The following SLC7A13 variants were observed in gnomAD, a reference collection of about 807,000 sequenced individuals.
SLC7A13 encodes the protein X-amino acid transporter 2.
SLC7A13 carries 31 observed loss-of-function variants against 32.0 expected under a neutral mutation model. That is an observed-to-expected ratio of 0.97 (90% CI 0.73 to 1.31). The LOEUF (loss-of-function observed/expected upper bound fraction) is 1.31. Ranked by LOEUF, SLC7A13 falls within the 50% of genes most tolerant of loss-of-function variation. The pLI, the probability that SLC7A13 is intolerant of heterozygous loss-of-function variation, is 0.00. For missense variants in SLC7A13, 633 were observed against 546.9 expected (o/e 1.16, Z -1.57); for synonymous variants, 232 against 206.9 (o/e 1.12, Z -1.04).
rs1357353510 is a variant in SLC7A13 at position 86,217,606 on chromosome 8, G to T, written c.1043C>A (p.Ser348Tyr). The T allele has an allele frequency of 6.2e-7, 1 of 1,613,230 alleles. No individual in the cohort carries two copies. Residue 348 changes from serine (S) to tyrosine (Y), a missense_variant, in exon 3 of 4, where the codon TCC becomes TAC. Ser to Tyr is a moderately radical substitution (Grantham distance 144, BLOSUM62 -2). Coordinates refer to ENST00000297524, the MANE Select transcript of SLC7A13 (RefSeq NM_138817.3). ...TAVLLLVTLG[S>Y]LAIILTSLID... The stretch of plus-strand genomic sequence containing the variant: ...TAGACTTGTTAAGATAATTGCAAGG[G>T]ATCCCAAAGTGACAAGTAGTAGCAC...
chr8:86,218,859 A>G (rs1820240470), intron 2 of SLC7A13, among the ~76,000 whole-genome samples: 2 of 152,004 alleles, frequency 1.3e-5, no homozygotes, highest in East Asian at 1.9e-4. Context: ...AATGAGCACA[A>G]TGGGGCCTGA....
chr8:86,227,924 A>G (rs1820415534), intron 1 of SLC7A13, among the ~76,000 whole-genome samples: 1 of 152,170 alleles, frequency 6.6e-6, no homozygotes, highest in Non-Finnish European at 1.5e-5. Context: ...TGTGACACTG[A>G]GGATTCCAAA....
chr8:86,214,443 A>T lies in SLC7A13; in HGVS notation c.1383T>A (p.Asn461Lys), dbSNP rs1199200789. 7 of 1,610,002 alleles carry T rather than the reference A, an allele frequency of 4.3e-6. No individual in the cohort carries two copies. The South Asian group carries it at 7.7e-5, about 18-fold the overall frequency. The change falls in exon 4 of 4, where the codon AAT (asparagine) becomes AAA (lysine). Residue 461 changes from asparagine (N) to lysine (K), a missense_variant. Transcript: ENST00000297524. ...CCTCAGACACATCAGGGAGGCAAATATTAAATAGTAATTGTAAATAGCAAG... is the reference window on the plus strand; with the variant it reads ...CCTCAGACACATCAGGGAGGCAAATTTTAAATAGTAATTGTAAATAGCAAG... ...KMTCYLQLLF[N>K]ICLPDVSEE
At chr8:86,220,791 T>C (rs1820281571) in intron 2 of SLC7A13, among the ~76,000 whole-genome samples, 1 of 151,798 alleles carries the variant, frequency 6.6e-6, no homozygotes, top group East Asian at 1.9e-4. Context: ...TCAGTTGAGG[T>C]CAGACCAGCC....
At chr8:86,218,252 TCA>T (rs1820228395) in intron 2 of SLC7A13, among the ~76,000 whole-genome samples, 1 of 152,178 alleles carries the variant, frequency 6.6e-6, no homozygotes, top group African/African-American at 2.4e-5. Context: ...ATAGTTACAT[TCA>T]GAGTCCAAAA....
At chr8:86,229,163 A>T (rs1044978710) in intron 1 of SLC7A13, among the ~76,000 whole-genome samples, 3 of 151,746 alleles carry the variant, frequency 2.0e-5, no homozygotes, top group Non-Finnish European at 4.4e-5. Flanking sequence ...AAAATATAAA[A>T]CATAACTCCA....
intron 2 of SLC7A13, 121 bp from the exon 3 acceptor site, chr8:86,217,952 C>T: frequency 6.3e-6 from 7 of 1,119,002 alleles, no homozygotes; most frequent in Middle Eastern, 3.0e-4. Context: ...ATTTAGTTTG[C>T]TTAATTTTAT....
chr8:86,216,547 G>A (rs1180205225), intron 3 of SLC7A13, among the ~76,000 whole-genome samples: 1 of 152,146 alleles, frequency 6.6e-6, no homozygotes. Context: ...ATGACTGGTT[G>A]GAAGAAGTTG....
In SLC7A13 at chr8:86,229,664, G is replaced by C; in HGVS notation, c.614C>G (p.Ser205Cys). 1 of 1,614,148 alleles carries C rather than the reference G, an allele frequency of 6.2e-7. No homozygotes were observed. Among genetic ancestry groups the C allele is most frequent in the South Asian group, 1.1e-5 (1 of 91,088 alleles). ...NAFDAELPDI[S>C]HLIQAIFQGY... is the part of the protein sequence containing the mutation. ...TTGGAAGATGGCTTGTATAAGGTGA[G>C]AGATATCTGGAAGTTCAGCATCAAA... Residue 205 changes from serine to cysteine, a missense_variant, in exon 1 of 4, where the codon TCT becomes TGT. By Grantham distance (112) the Ser-to-Cys change is moderately radical (BLOSUM62 -1). Coordinates refer to ENST00000297524, the MANE Select transcript of SLC7A13 (RefSeq NM_138817.3).
At chr8:86,215,310 A>G (rs1191492771) in intron 3 of SLC7A13, among the ~76,000 whole-genome samples, 2 of 152,164 alleles carry the variant, frequency 1.3e-5, no homozygotes, top group East Asian at 3.8e-4. Context: ...TATATTCCCC[A>G]AAGATATATA....
intron 2 of SLC7A13, among the ~76,000 whole-genome samples, chr8:86,220,335 C>T (rs901412823): frequency 6.6e-6 from 1 of 152,134 alleles, no homozygotes; most frequent in South Asian, 2.1e-4. Flanking sequence ...GGGCTCCTCA[C>T]TAAGGCATTT....
rs777575330 is a variant in SLC7A13, at chr8:86,217,562, T to C, written c.1087A>G (p.Ile363Val). 1 of 1,612,746 alleles carries C rather than the reference T, an allele frequency of 6.2e-7. No homozygotes were observed. Residue 363 changes from isoleucine (I) to valine (V), a missense_variant, in exon 3 of 4, where the codon ATT (isoleucine) becomes GTT (valine). Physicochemically the swap from Ile to Val is conservative, Grantham distance 29 (BLOSUM62 3). Coordinates refer to ENST00000297524, the MANE Select transcript of SLC7A13 (RefSeq NM_138817.3). The stretch of plus-strand genomic sequence containing the variant: ...GACCATAATGAACCCGTGAAAAAAA[T>C]ATAGTTTATCAAATCAATTAGACTT... ...LTSLIDLINY[I>V]FFTGSLWSIL... is the part of the protein sequence containing the mutation.
At chr8:86,222,159 C>A (rs951812065) in intron 2 of SLC7A13, among the ~76,000 whole-genome samples, 2 of 152,044 alleles carry the variant, frequency 1.3e-5, no homozygotes, top group Admixed American at 1.3e-4. Context: ...CAAAATCTCC[C>A]TTAGGTTTGC....
At chr8:86,221,175 CCTGA>C (rs1820289808) in intron 2 of SLC7A13, among the ~76,000 whole-genome samples, 2 of 151,984 alleles carry the variant, frequency 1.3e-5, no homozygotes, top group South Asian at 2.1e-4. Context: ...TTATATACAT[CCTGA>C]CTTTTTCCTC....
At position 86,222,802 on chromosome 8, in the gene SLC7A13, C is replaced by A. The variant is rs1267105691; in HGVS notation, c.817+170G>T. On this transcript the variant is annotated intron_variant, in intron 2 of 3. Coordinates refer to ENST00000297524, the MANE Select transcript of SLC7A13 (RefSeq NM_138817.3). Reference sequence around the variant, plus strand: ...GGCATAACCATGCTTAAAGATGAATCTCCTTTCTAAGACAAATCATTCCCT... The same window carrying A: ...GGCATAACCATGCTTAAAGATGAATATCCTTTCTAAGACAAATCATTCCCT... Among the ~76,000 whole-genome samples the A allele has an allele frequency of 2.6e-5, 4 of 152,212 alleles. No individual in the cohort carries two copies. The East Asian group carries it at 7.7e-4, about 29-fold the overall frequency.
At chr8:86,222,933 C>T (rs1316033848) in intron 2 of SLC7A13, 39 bp downstream of exon 2, 1 of 1,540,030 alleles carries the variant, frequency 6.5e-7, no homozygotes. Context: ...TTGAAAGGAC[C>T]AGCACTTTAT....
intron 1 of SLC7A13, 24 bp downstream of exon 1, chr8:86,229,568 AT>A (rs11413051): frequency 6.4e-7 from 1 of 1,573,162 alleles, no homozygotes; most frequent in South Asian, 1.2e-5. Context: ...ATGATTTTAG[AT>A]TTTTTTCCTC....
At position 86,222,930 on chromosome 8, in the gene SLC7A13, G is replaced by T. The variant is rs1820323996; in HGVS notation, c.817+42C>A. 3.9e-6 allele frequency: 6 copies of T among 1,536,428 alleles called. No individual in the cohort carries two copies. The South Asian group carries it at 5.3e-5, about 14-fold the overall frequency. ...GGTGAAATGATAGTTACGTTGAAAG[G>T]ACCAGCACTTTATTTATTGCTTTAG... On this transcript the variant is annotated intron_variant, in intron 2 of 3. Coordinates refer to ENST00000297524, the MANE Select transcript of SLC7A13 (RefSeq NM_138817.3).
In SLC7A13 at chr8:86,229,704, G is replaced by T. The variant is rs370985157; in HGVS notation, c.574C>A (p.Arg192=). The T allele has an allele frequency of 2.5e-6, 4 of 1,614,132 alleles. No homozygotes were observed. Among genetic ancestry groups the T allele is most frequent in the South Asian group, 2.2e-5 (2 of 91,080 alleles). ...TCAGCATCAAAAGCATTCTGAAATCGTTCTACATTCTCCTTTTTCCCTCTT... is the reference window on the plus strand; with the variant it reads ...TCAGCATCAAAAGCATTCTGAAATCTTTCTACATTCTCCTTTTTCCCTCTT... The part of the protein sequence containing the change: ...LIRGKKENVE[R]FQNAFDAELP... Residue 192 remains arginine, a synonymous_variant, in exon 1 of 4, where the codon CGA becomes AGA. Coordinates refer to ENST00000297524, the MANE Select transcript of SLC7A13 (RefSeq NM_138817.3).
Sources: allele counts gnomAD v4.1 joint callset (sites outside exome capture counted in the v4.1 genomes callset), GRCh38; gene constraint gnomAD v4.1.1; transcripts MANE v1.5; gene names NCBI Gene and HGNC (gene_info 2026-07-23, HGNC 2026-07-21).